Variants in MAF observed in about 807,000 individuals in gnomAD.
MAF encodes the protein transcription factor Maf.
In MAF, 10 loss-of-function variants were observed where a neutral mutation model predicts 22.0. The ratio of observed to expected loss-of-function variants is 0.45; its 90% CI spans 0.28 to 0.77. The LOEUF (loss-of-function observed/expected upper bound fraction) is 0.77, where lower values mean the gene tolerates loss of function less well. Ranked by LOEUF, MAF falls within the 30% of genes least tolerant of loss-of-function variation. The pLI is 0.12. For synonymous variants in MAF, 337 were observed against 255.8 expected, an observed-to-expected ratio of 1.32 and a Z score of -3.03; for missense variants, 544 against 548.4, an observed-to-expected ratio of 0.99 and a Z score of 0.08.
the MAF span, among the ~76,000 whole-genome samples, chr16:79,282,181 C>T: frequency 1.3e-5 from 2 of 151,992 alleles, no homozygotes; most frequent in Non-Finnish European, 2.9e-5. Context: ...TCTAGAAATG[C>T]CAATTAGGAA....
the MAF span, among the ~76,000 whole-genome samples, chr16:79,392,808 C>A: frequency 6.6e-6 from 1 of 152,100 alleles, no homozygotes; most frequent in Non-Finnish European, 1.5e-5. Context: ...ATGTGAGAAC[C>A]CTAAGTTGCT....
At chr16:79,397,443 A>C in the MAF span, among the ~76,000 whole-genome samples, 1 of 152,214 alleles carries the variant, frequency 6.6e-6, no homozygotes, top group African/African-American at 2.4e-5. Context: ...TCTACTGCTC[A>C]TATTTTTTTC....
the MAF span, among the ~76,000 whole-genome samples, chr16:79,330,693 G>A: frequency 2.0e-5 from 3 of 152,228 alleles, no homozygotes; most frequent in Non-Finnish European, 4.4e-5. Flanking sequence ...TGAACAGCCA[G>A]AAGGTGCCAC....
At chr16:79,397,593 A>G in the MAF span, among the ~76,000 whole-genome samples, 1 of 152,212 alleles carries the variant, frequency 6.6e-6, no homozygotes, top group Non-Finnish European at 1.5e-5. Context: ...GACCGGCTGG[A>G]TGTAACCGGC....
chr16:79,241,271 A>C, the MAF span, among the ~76,000 whole-genome samples: 3 of 152,112 alleles, frequency 2.0e-5, no homozygotes, highest in Admixed American at 2.0e-4. Context: ...TTCTAACCCA[A>C]CGCAAGGAAG....
the MAF span, among the ~76,000 whole-genome samples, chr16:79,475,421 T>C: frequency 6.6e-6 from 1 of 151,050 alleles, no homozygotes. Flanking sequence ...CAAATCCAGG[T>C]CTATGTCCAG....
chr16:79,560,984 T>C, the MAF span, among the ~76,000 whole-genome samples: 2 of 152,190 alleles, frequency 1.3e-5, no homozygotes, highest in African/African-American at 4.8e-5. Context: ...CCTAGGGGAT[T>C]TCATCCACTC....
At chr16:79,591,946 A>G (rs746096958), downstream of MAF, among the ~76,000 whole-genome samples, 13 of 151,118 alleles carry the variant, frequency 8.6e-5, no homozygotes, top group Non-Finnish European at 1.8e-4. Flanking sequence ...ATTGTTTTCA[A>G]AAAGGAAACA....
At chr16:79,255,982 C>CTTTTTTTTTTT in the MAF span, among the ~76,000 whole-genome samples, 3 of 99,730 alleles carry the variant, frequency 3.0e-5, no homozygotes, top group African/African-American at 4.6e-5. Context: ...CTTTTCTTTT[C>CTTTTTTTTTTT]TTTTTTTTTT....
the MAF span, among the ~76,000 whole-genome samples, chr16:79,229,794 G>C: frequency 6.6e-6 from 1 of 152,024 alleles, no homozygotes; most frequent in African/African-American, 2.4e-5. Context: ...TGAAAGATGC[G>C]GAGTTTAATC....
At chr16:79,274,553 G>C in the MAF span, among the ~76,000 whole-genome samples, 4 of 152,172 alleles carry the variant, frequency 2.6e-5, no homozygotes, top group Non-Finnish European at 5.9e-5. Flanking sequence ...TAAGTACAAA[G>C]TCTAGTCACT....
the MAF span, among the ~76,000 whole-genome samples, chr16:79,364,002 AG>A: frequency 6.6e-6 from 1 of 152,188 alleles, no homozygotes; most frequent in Non-Finnish European, 1.5e-5. Flanking sequence ...CAAATGCAGG[AG>A]GTTGTGCCCG....
chr16:79,463,280 C>T, the MAF span, among the ~76,000 whole-genome samples: 2 of 152,156 alleles, frequency 1.3e-5, no homozygotes, highest in Non-Finnish European at 2.9e-5. Context: ...CCCCACACAC[C>T]ATGGTAGGTA....
chr16:79,598,423 T>C (rs1020599994), intron 1 of MAF: 22 of 1,166,790 alleles, frequency 1.9e-5, no homozygotes, highest in Non-Finnish European at 2.3e-5. Flanking sequence ...TCATTGAACA[T>C]TGTGCAAGTC....
At chr16:79,448,181 C>T in the MAF span, among the ~76,000 whole-genome samples, 1 of 152,038 alleles carries the variant, frequency 6.6e-6, no homozygotes, top group Non-Finnish European at 1.5e-5. Context: ...TGCCACATGC[C>T]ACAGAGAAAT....
chr16:79,343,028 G>C, the MAF span, among the ~76,000 whole-genome samples: 2 of 152,152 alleles, frequency 1.3e-5, no homozygotes. Flanking sequence ...AAGTCCTCTT[G>C]ACACTACCTG....
intron 1 of MAF, chr16:79,598,466 A>AAC (rs1298283803): frequency 7.7e-7 from 1 of 1,298,246 alleles, no homozygotes; most frequent in East Asian, 3.3e-5. Flanking sequence ...AAAAAAAAAA[A>AAC]AAAAACAAGC....
the MAF span, among the ~76,000 whole-genome samples, chr16:79,473,398 C>T: frequency 7.5e-3 from 1,140 of 152,326 alleles, 23 homozygotes; most frequent in South Asian, 0.065. Flanking sequence ...AGGAGTGGGG[C>T]TACCTCTGGG....
chr16:79,552,722 G>T, the MAF span, among the ~76,000 whole-genome samples: 16 of 152,114 alleles, frequency 1.1e-4, no homozygotes, highest in African/African-American at 3.9e-4. Flanking sequence ...CTGGTTCTGG[G>T]TTCTTCCCAC....
Sources: gnomAD v4.1 joint callset for allele counts (sites outside exome capture counted in the v4.1 genomes callset) on GRCh38, gnomAD v4.1.1 for gene constraint, MANE v1.5 for transcripts, NCBI Gene and HGNC (gene_info 2026-07-23, HGNC 2026-07-21) for gene names.